Variants in MAGI2 observed in about 807,000 individuals in gnomAD.
MAGI2 encodes the protein membrane-associated guanylate kinase, WW and PDZ domain-containing protein 2.
A neutral mutation model predicts 133.3 loss-of-function variants in MAGI2; 35 were observed. The ratio of observed to expected loss-of-function variants is 0.26; its 90% CI spans 0.20 to 0.35. The LOEUF (loss-of-function observed/expected upper bound fraction) is 0.35. MAGI2 is among the 10% of genes least tolerant of loss of function. The pLI is 1.00. For missense variants in MAGI2, 1,636 were observed against 1,863.4 expected (o/e 0.88, Z 2.25); for synonymous variants, 729 against 710.6 (o/e 1.03, Z -0.41).
chr7:79,201,053 G>A (rs913495209), intron 1 of MAGI2, among the ~76,000 whole-genome samples: 4 of 151,872 alleles, frequency 2.6e-5, no homozygotes, highest in Non-Finnish European at 5.9e-5. Context: ...TGCAATCAAC[G>A]TACTCCAAGA....
intron 2 of MAGI2, among the ~76,000 whole-genome samples, chr7:78,728,935 CTAA>C (rs974999303): frequency 6.6e-6 from 1 of 152,116 alleles, no homozygotes; most frequent in Non-Finnish European, 1.5e-5. Context: ...GGCATAGCTC[CTAA>C]TATTTTCTCA....
At chr7:78,209,730 A>G (rs1787587553) in intron 10 of MAGI2, among the ~76,000 whole-genome samples, 1 of 152,168 alleles carries the variant, frequency 6.6e-6, no homozygotes, top group South Asian at 2.1e-4. Context: ...AAATTTGACG[A>G]TGTCACTGAA....
intron 1 of MAGI2, among the ~76,000 whole-genome samples, chr7:79,126,366 G>T (rs1385496261): frequency 6.6e-6 from 1 of 152,208 alleles, no homozygotes; most frequent in Admixed American, 6.5e-5. Flanking sequence ...AGCCTCAAAT[G>T]AGTGTGCATA....
chr7:78,710,655 A>G (rs1321789160), intron 2 of MAGI2, among the ~76,000 whole-genome samples: 1 of 152,138 alleles, frequency 6.6e-6, no homozygotes, highest in Non-Finnish European at 1.5e-5. Context: ...AACAGAGAGA[A>G]ATGCTCATAA....
At chr7:78,457,595 T>A (rs17432736) in intron 6 of MAGI2, among the ~76,000 whole-genome samples, 7,700 of 152,290 alleles carry the variant, frequency 0.051, 274 homozygotes, top group Non-Finnish European at 0.068. Flanking sequence ...ATAGTCCATG[T>A]TCTTTTAATA....
At chr7:78,674,304 C>T (rs1426594659) in intron 2 of MAGI2, among the ~76,000 whole-genome samples, 1 of 151,406 alleles carries the variant, frequency 6.6e-6, no homozygotes, top group Non-Finnish European at 1.5e-5. Flanking sequence ...ACCAGGCAAA[C>T]TGATTCTAAA....
chr7:78,164,518 A>C (rs1825427259), intron 15 of MAGI2, among the ~76,000 whole-genome samples: 1 of 152,214 alleles, frequency 6.6e-6, no homozygotes, highest in South Asian at 2.1e-4. Context: ...CAAGGCAGAC[A>C]GCTTATTTAA....
intron 2 of MAGI2, among the ~76,000 whole-genome samples, chr7:78,942,644 CA>C (rs1801081275): frequency 6.6e-6 from 1 of 151,988 alleles, no homozygotes; most frequent in African/African-American, 2.4e-5. Flanking sequence ...AATTTTCTAG[CA>C]AAAACTGGAA....
At chr7:78,627,063 T>A in intron 3 of MAGI2, 57 bp downstream of exon 3, 1 of 1,507,604 alleles carries the variant, frequency 6.6e-7, no homozygotes, top group Admixed American at 2.2e-5. Flanking sequence ...TGCATTTCCA[T>A]CGAATGAGAA....
chr7:78,481,393 T>C (rs1792356088), intron 6 of MAGI2, among the ~76,000 whole-genome samples: 1 of 151,962 alleles, frequency 6.6e-6, no homozygotes. Context: ...GAGAACAGCA[T>C]GGGGCAAACT....
At chr7:79,031,328 A>C (rs947189387) in intron 1 of MAGI2, among the ~76,000 whole-genome samples, 5 of 152,292 alleles carry the variant, frequency 3.3e-5, no homozygotes, top group Non-Finnish European at 7.4e-5. Context: ...ATTTTGTAGG[A>C]GAGACAAGCC....
chr7:78,477,557 A>G (rs1232217524), intron 6 of MAGI2, among the ~76,000 whole-genome samples: 1 of 151,856 alleles, frequency 6.6e-6, no homozygotes, highest in African/African-American at 2.4e-5. Context: ...GGAAGAGCAA[A>G]GGGGTGTCTT....
chr7:79,265,884 CTA>C (rs1402315086), intron 1 of MAGI2, among the ~76,000 whole-genome samples: 1 of 152,018 alleles, frequency 6.6e-6, no homozygotes, highest in African/African-American at 2.4e-5. Context: ...CAATTTTATT[CTA>C]GTTTGATTTT....
chr7:78,554,154 G>A (rs1055068958), intron 3 of MAGI2, among the ~76,000 whole-genome samples: 2 of 152,208 alleles, frequency 1.3e-5, no homozygotes, highest in African/African-American at 4.8e-5. Context: ...CTGACCCAAA[G>A]TTGGTCTCAT....
chr7:78,682,102 T>C (rs1478230649), intron 2 of MAGI2, among the ~76,000 whole-genome samples: 1 of 152,142 alleles, frequency 6.6e-6, no homozygotes, highest in Non-Finnish European at 1.5e-5. Flanking sequence ...GTAGGACAAA[T>C]TCCAGTTTTA....
intron 1 of MAGI2, among the ~76,000 whole-genome samples, chr7:79,066,877 A>G (rs1008695341): frequency 6.6e-6 from 1 of 152,150 alleles, no homozygotes; most frequent in Non-Finnish European, 1.5e-5. Context: ...TCCTTTCCCC[A>G]TTGCTTGTTT....
chr7:78,330,510 C>G lies in MAGI2; in HGVS notation c.1408+13268G>C, dbSNP rs1005827092. ...CGGGCGCCTGTAGTCCCAGCTACTC[C>G]GGAGGCTGAGGCAGGAGAATGGCGT... On this transcript the variant is annotated intron_variant, in intron 9 of 21. Transcript: ENST00000354212. Among the ~76,000 whole-genome samples the G allele has an allele frequency of 2.8e-4, 23 of 82,272 alleles. 6 individuals are homozygous for G. Among genetic ancestry groups the G allele is most frequent in the African/African-American group, 1.2e-3 (21 of 18,070 alleles). The allele number at this position is 82,272 out of a possible 152,430, so 54.0% of individuals were successfully genotyped here.
At chr7:79,201,348 GT>G (rs1828600339) in intron 1 of MAGI2, among the ~76,000 whole-genome samples, 1 of 151,932 alleles carries the variant, frequency 6.6e-6, no homozygotes, top group South Asian at 2.1e-4. Flanking sequence ...GTTTATGAGG[GT>G]TTTATGTGAA....
chr7:79,405,391 G>T (rs1845736202), intron 1 of MAGI2, among the ~76,000 whole-genome samples: 1 of 152,044 alleles, frequency 6.6e-6, no homozygotes, highest in African/African-American at 2.4e-5. Flanking sequence ...TTTTCTCTCA[G>T]GTTTGAGTGA....
Sources: gnomAD v4.1 joint callset for allele counts (sites outside exome capture counted in the v4.1 genomes callset) on GRCh38, gnomAD v4.1.1 for gene constraint, MANE v1.5 for transcripts, NCBI Gene and HGNC (gene_info 2026-07-23, HGNC 2026-07-21) for gene names.